Variants in RAP1GAP2 observed in about 807,000 individuals in gnomAD.
The protein encoded by RAP1GAP2 is RAP1 GTPase activating protein 2, also known as rap1 GTPase-activating protein 2.
RAP1GAP2 carries 27 observed loss-of-function variants against 95.0 expected under a neutral mutation model. The observed-to-expected ratio is 0.28, with a 90% CI of 0.21 to 0.39. RAP1GAP2 has a LOEUF of 0.39. Ranked by LOEUF, RAP1GAP2 falls within the 10% of genes least tolerant of loss-of-function variation. The pLI is 1.00. For synonymous variants in RAP1GAP2, 373 were observed against 380.9 expected (o/e 0.98, Z 0.24); for missense variants, 771 against 970.0 (o/e 0.79, Z 2.72).
intron 2 of RAP1GAP2, among the ~76,000 whole-genome samples, chr17:2,807,374 A>G (rs1447618895): frequency 6.6e-6 from 1 of 152,266 alleles, no homozygotes; most frequent in African/African-American, 2.4e-5. Flanking sequence ...CTCTTCTCCT[A>G]CACACCTAGG....
chr17:3,016,097 G>T (rs751828640), intron 17 of RAP1GAP2, among the ~76,000 whole-genome samples: 1 of 152,190 alleles, frequency 6.6e-6, no homozygotes, highest in Non-Finnish European at 1.5e-5. Flanking sequence ...GGCTCAGTCA[G>T]CATCAAGATT....
At chr17:2,987,229 A>G (rs1161438746) in intron 11 of RAP1GAP2, among the ~76,000 whole-genome samples, 1 of 152,218 alleles carries the variant, frequency 6.6e-6, no homozygotes, top group Non-Finnish European at 1.5e-5. Context: ...TCAGACATTC[A>G]CAGACCATAT....
chr17:2,914,984 G>C (rs1366221831), intron 3 of RAP1GAP2, among the ~76,000 whole-genome samples: 2 of 150,972 alleles, frequency 1.3e-5, no homozygotes, highest in Non-Finnish European at 2.9e-5. Context: ...TAAAGACAAG[G>C]TTTCACCATG....
intron 8 of RAP1GAP2, among the ~76,000 whole-genome samples, chr17:2,969,493 ATTC>A (rs1489812993): frequency 9.8e-6 from 1 of 101,882 alleles, no homozygotes; most frequent in Non-Finnish European, 2.0e-5. Context: ...AAATATATAT[ATTC>A]TTTTTTTTTT....
chr17:2,908,542 G>C (rs1368661472), intron 3 of RAP1GAP2, among the ~76,000 whole-genome samples: 2 of 152,020 alleles, frequency 1.3e-5, no homozygotes, highest in Admixed American at 6.6e-5. Flanking sequence ...TTGTTTGGAA[G>C]TGGTTGGAGC....
At chr17:2,927,443 G>T (rs139335849) in intron 3 of RAP1GAP2, among the ~76,000 whole-genome samples, 4 of 152,174 alleles carry the variant, frequency 2.6e-5, no homozygotes, top group Non-Finnish European at 4.4e-5. Flanking sequence ...GTGAGCCACC[G>T]CGCCCGGCTG....
At chr17:2,823,274 TGTCCTGTGGG>T (rs1361425937) in intron 2 of RAP1GAP2, among the ~76,000 whole-genome samples, 1 of 152,124 alleles carries the variant, frequency 6.6e-6, no homozygotes, top group Non-Finnish European at 1.5e-5. Context: ...TGTGTCCTGG[TGTCCTGTGGG>T]GTTTTGGTCT....
chr17:2,952,977 G>T (rs907717397), intron 3 of RAP1GAP2, among the ~76,000 whole-genome samples: 1 of 151,406 alleles, frequency 6.6e-6, no homozygotes, highest in Non-Finnish European at 1.5e-5. Flanking sequence ...GCTAATTTTT[G>T]TTATTTTTAG....
upstream of RAP1GAP2, among the ~76,000 whole-genome samples, chr17:2,794,870 CTTTTTTTTTTTTTTT>C (rs148825285): frequency 1.0e-4 from 6 of 57,934 alleles, no homozygotes; most frequent in African/African-American, 1.8e-4. Flanking sequence ...CGTTTTTTTC[CTTTTTTTTTTTTTTT>C]TTTTTTTTGA....
intron 3 of RAP1GAP2, among the ~76,000 whole-genome samples, chr17:2,911,993 G>C (rs1330661338): frequency 1.3e-5 from 2 of 152,190 alleles, no homozygotes; most frequent in African/African-American, 4.8e-5. Flanking sequence ...TCTGAGGGCA[G>C]CCCCTCTCAG....
intron 2 of RAP1GAP2, among the ~76,000 whole-genome samples, chr17:2,831,832 C>G (rs920163792): frequency 2.6e-5 from 4 of 152,142 alleles, no homozygotes; most frequent in Non-Finnish European, 5.9e-5. Flanking sequence ...GAGTTTGAGG[C>G]TGCCATGAGC....
At chr17:2,770,345 C>T (rs528705300) in exon 2 of RAP1GAP2, 7 of 398,672 alleles carry the variant, frequency 1.8e-5, no homozygotes, top group Non-Finnish European at 2.7e-5. Context: ...GCAGGAAGGG[C>T]GGTTCCGAAT....
intron 3 of RAP1GAP2, among the ~76,000 whole-genome samples, chr17:2,949,795 G>A (rs528207674): frequency 1.3e-5 from 2 of 152,372 alleles, no homozygotes; most frequent in African/African-American, 4.8e-5. Flanking sequence ...GAGTCACGCT[G>A]CTTCTGGGTG....
chr17:2,956,147 G>T (rs751755791), intron 3 of RAP1GAP2, among the ~76,000 whole-genome samples: 3 of 152,220 alleles, frequency 2.0e-5, no homozygotes, highest in Non-Finnish European at 4.4e-5. Flanking sequence ...AGAATGCCCC[G>T]CGTGGGTGGT....
intron 3 of RAP1GAP2, among the ~76,000 whole-genome samples, chr17:2,929,862 C>T (rs989669916): frequency 2.6e-5 from 4 of 152,252 alleles, no homozygotes; most frequent in Non-Finnish European, 4.4e-5. Context: ...CAGCCCAGAT[C>T]ACCAGTGCAC....
At chr17:2,880,640 G>A (rs1003593323) in intron 2 of RAP1GAP2, among the ~76,000 whole-genome samples, 1 of 148,882 alleles carries the variant, frequency 6.7e-6, no homozygotes, top group Non-Finnish European at 1.5e-5. Flanking sequence ...TCCCACCCCC[G>A]CCTCCCCCAT....
chr17:2,858,807 G>C (rs1422285946), intron 2 of RAP1GAP2, among the ~76,000 whole-genome samples: 2 of 152,038 alleles, frequency 1.3e-5, no homozygotes, highest in Non-Finnish European at 2.9e-5. Context: ...CAGCTACTCG[G>C]GAGGCTGAGG....
intron 3 of RAP1GAP2, among the ~76,000 whole-genome samples, chr17:2,914,315 C>T (rs1042545251): frequency 2.0e-5 from 3 of 152,198 alleles, no homozygotes; most frequent in Non-Finnish European, 2.9e-5. Flanking sequence ...ATTTTAGCTA[C>T]TTGAACGGTA....
At chr17:2,793,214 C>T (rs759649927), upstream of RAP1GAP2, among the ~76,000 whole-genome samples, 4 of 149,766 alleles carry the variant, frequency 2.7e-5, no homozygotes, top group East Asian at 2.0e-4. Flanking sequence ...AGTGCAGTGG[C>T]GTGATCTTGG....
Sources: gnomAD v4.1 joint callset for allele counts (sites outside exome capture counted in the v4.1 genomes callset) on GRCh38, gnomAD v4.1.1 for gene constraint, MANE v1.5 for transcripts, NCBI Gene and HGNC (gene_info 2026-07-23, HGNC 2026-07-21) for gene names.